ANK2: variants seen among roughly 807,000 people sequenced by gnomAD.
The protein encoded by ANK2 is ankyrin-2.
In ANK2, 83 loss-of-function variants were observed where a neutral mutation model predicts 360.5. The observed-to-expected ratio is 0.23, with a 90% CI of 0.19 to 0.28. The LOEUF is 0.28. Ranked by LOEUF, ANK2 falls within the 10% of genes least tolerant of loss-of-function variation. The pLI is 1.00. For synonymous variants in ANK2, 1,740 were observed against 1,759.5 expected, an observed-to-expected ratio of 0.99 and a Z score of 0.28; for missense variants, 4,201 against 4,795.7, an observed-to-expected ratio of 0.88 and a Z score of 3.66.
chr4:113,251,833 G>GA (rs1009503204), intron 10 of ANK2, among the ~76,000 whole-genome samples: 22 of 149,436 alleles, frequency 1.5e-4, no homozygotes, highest in South Asian at 4.2e-4. Flanking sequence ...GGGCATGATA[G>GA]AAAAAAAAAG....
chr4:113,272,487 C>T (rs905387177), intron 14 of ANK2, among the ~76,000 whole-genome samples: 17 of 152,302 alleles, frequency 1.1e-4, no homozygotes, highest in Non-Finnish European at 1.9e-4. Context: ...ATTGGCCAAA[C>T]CTCAAAAAGT....
intron 2 of ANK2, among the ~76,000 whole-genome samples, chr4:112,906,849 G>C (rs978180040): frequency 3.3e-5 from 5 of 152,200 alleles, no homozygotes; most frequent in African/African-American, 1.2e-4. Flanking sequence ...GGAATTTGTA[G>C]TATCATCAAA....
intron 43 of ANK2, chr4:113,372,415 G>A: frequency 1.6e-6 from 1 of 632,564 alleles, no homozygotes; most frequent in East Asian, 2.8e-5. Flanking sequence ...CTACCAACTT[G>A]TCCATCAAAG....
intron 2 of ANK2, among the ~76,000 whole-genome samples, chr4:112,960,802 A>G (rs2034407066): frequency 6.6e-6 from 1 of 152,066 alleles, no homozygotes; most frequent in Non-Finnish European, 1.5e-5. Flanking sequence ...AAGTTTCCTC[A>G]TCTGCCTTTC....
the ANK2 span, among the ~76,000 whole-genome samples, chr4:112,803,163 T>A: frequency 0.61 from 92,035 of 151,972 alleles, 29,256 homozygotes; most frequent in East Asian, 0.93. Flanking sequence ...ATAGTAGTAG[T>A]TATATAGTAG....
chr4:113,121,743 T>C (rs1464109617), intron 1 of ANK2, among the ~76,000 whole-genome samples: 3 of 152,266 alleles, frequency 2.0e-5, no homozygotes, highest in African/African-American at 7.2e-5. Flanking sequence ...TCCTTTTGAG[T>C]TGTTTTCATT....
the ANK2 span, among the ~76,000 whole-genome samples, chr4:112,808,460 G>A: frequency 7.9e-5 from 12 of 152,200 alleles, no homozygotes; most frequent in Non-Finnish European, 1.3e-4. Flanking sequence ...AGAATTTAAA[G>A]AAAGCAAATT....
At chr4:113,281,194 T>C (rs1316219905) in intron 17 of ANK2, among the ~76,000 whole-genome samples, 1 of 152,210 alleles carries the variant, frequency 6.6e-6, no homozygotes, top group Non-Finnish European at 1.5e-5. Context: ...AAACACTTTT[T>C]TATTTTTTGG....
At chr4:113,158,031 T>G (rs2097366623) in intron 1 of ANK2, among the ~76,000 whole-genome samples, 1 of 152,228 alleles carries the variant, frequency 6.6e-6, no homozygotes, top group Non-Finnish European at 1.5e-5. Flanking sequence ...GAGCTGACAG[T>G]CTAGTTGAAT....
At chr4:112,887,183 A>T (rs1458159478) in intron 1 of ANK2, among the ~76,000 whole-genome samples, 1 of 152,086 alleles carries the variant, frequency 6.6e-6, no homozygotes, top group Non-Finnish European at 1.5e-5. Context: ...GTATTTTCTC[A>T]TCTTTTTAGT....
At chr4:112,985,874 G>A (rs2044673167) in intron 2 of ANK2, among the ~76,000 whole-genome samples, 1 of 151,852 alleles carries the variant, frequency 6.6e-6, no homozygotes, top group South Asian at 2.1e-4. Context: ...ACTACACATT[G>A]GGTGCAGTGT....
chr4:113,212,580 T>C (rs1246684504), intron 4 of ANK2, among the ~76,000 whole-genome samples: 1 of 152,164 alleles, frequency 6.6e-6, no homozygotes, highest in East Asian at 1.9e-4. Context: ...TGAAGCTAGG[T>C]GGTCAAATCC....
At chr4:113,181,501 G>A (rs1260249263) in intron 2 of ANK2, among the ~76,000 whole-genome samples, 1 of 152,134 alleles carries the variant, frequency 6.6e-6, no homozygotes. Context: ...TGCTGGGGAT[G>A]GAGCAGTGCA....
At chr4:112,708,533 G>T in the ANK2 span, among the ~76,000 whole-genome samples, 3 of 152,132 alleles carry the variant, frequency 2.0e-5, no homozygotes, top group Non-Finnish European at 4.4e-5. Flanking sequence ...TAATTTCAAT[G>T]AAACTATGCT....
intron 1 of ANK2, among the ~76,000 whole-genome samples, chr4:112,859,956 C>G (rs1191496826): frequency 6.6e-6 from 1 of 152,194 alleles, no homozygotes; most frequent in Non-Finnish European, 1.5e-5. Context: ...ACTGCTCTGC[C>G]AGCAATACAG....
intron 1 of ANK2, among the ~76,000 whole-genome samples, chr4:113,160,859 C>G (rs868137504): frequency 2.3e-4 from 35 of 152,184 alleles, no homozygotes; most frequent in African/African-American, 8.4e-4. Flanking sequence ...TGTTGGGGAC[C>G]CCGGAATAAA....
At chr4:112,790,755 G>A in the ANK2 span, among the ~76,000 whole-genome samples, 1 of 152,104 alleles carries the variant, frequency 6.6e-6, no homozygotes, top group Non-Finnish European at 1.5e-5. Context: ...CCAAAGTGCT[G>A]GGATTACAGG....
At chr4:113,129,013 C>T (rs1473022489) in intron 1 of ANK2, among the ~76,000 whole-genome samples, 1 of 152,020 alleles carries the variant, frequency 6.6e-6, no homozygotes, top group African/African-American at 2.4e-5. Flanking sequence ...TAAGAACAGG[C>T]TCGGAAAATG....
rs148676718 is a variant in ANK2, at chr4:112,989,970, A to T, written c.21+85456A>T. Among the ~76,000 whole-genome samples, 707 of 152,308 alleles carry T rather than the reference A, an allele frequency of 4.6e-3. 8 individuals are homozygous for T. The highest frequency in any genetic ancestry group is 0.016 in the African/African-American group (669 of 41,574). On this transcript the variant is annotated intron_variant, in intron 2 of 30. Coordinates refer to the ANK2 transcript ENST00000503271. The stretch of plus-strand genomic sequence containing the variant: ...TAGCAAACTAAATTAATAATTTTTT[A>T]AAAAATAATTCAGGTATTGTCTGGG...
Sources: gnomAD v4.1 joint callset for allele counts (sites outside exome capture counted in the v4.1 genomes callset) on GRCh38, gnomAD v4.1.1 for gene constraint, MANE v1.5 for transcripts, NCBI Gene and HGNC (gene_info 2026-07-23, HGNC 2026-07-21) for gene names.